KCNIP4: variants seen among roughly 807,000 people sequenced by gnomAD.
KCNIP4 encodes the protein potassium voltage-gated channel interacting protein 4.
A neutral mutation model predicts 34.0 loss-of-function variants in KCNIP4; 12 were observed. The ratio of observed to expected loss-of-function variants is 0.35; its 90% confidence interval spans 0.23 to 0.57. The LOEUF is 0.57. KCNIP4 is among the 20% of genes least tolerant of loss of function. The pLI is 0.83. For missense variants in KCNIP4, 238 were observed against 311.7 expected (o/e 0.76, Z 1.78); for synonymous variants, 124 against 102.2 (o/e 1.21, Z -1.29).
chr4:21,105,740 G>A (rs928080541), intron 1 of KCNIP4, among the ~76,000 whole-genome samples: 125 of 151,580 alleles, frequency 8.2e-4, no homozygotes, highest in Non-Finnish European at 1.7e-3. Flanking sequence ...GTTTGTCATA[G>A]ATAGCTCTTA....
intron 3 of KCNIP4, among the ~76,000 whole-genome samples, chr4:20,776,546 G>A (rs1248874689): frequency 6.6e-6 from 1 of 152,098 alleles, no homozygotes; most frequent in East Asian, 1.9e-4. Flanking sequence ...GAAAATAGAT[G>A]ATTTTCTGAA....
At chr4:21,370,883 G>GTT (rs1491517771) in intron 1 of KCNIP4, among the ~76,000 whole-genome samples, 1 of 13,130 alleles carries the variant, frequency 7.6e-5, no homozygotes, top group Non-Finnish European at 2.0e-4. Flanking sequence ...ACACACACAC[G>GTT]TGTGTGTGTG....
intron 1 of KCNIP4, among the ~76,000 whole-genome samples, chr4:21,273,823 A>G (rs966858217): frequency 3.3e-5 from 5 of 152,150 alleles, no homozygotes; most frequent in Non-Finnish European, 5.9e-5. Flanking sequence ...ATACACTTCT[A>G]TTATTGCACT....
At chr4:20,757,965 C>T (rs563694710) in intron 4 of KCNIP4, among the ~76,000 whole-genome samples, 51 of 152,270 alleles carry the variant, frequency 3.3e-4, no homozygotes, top group African/African-American at 1.2e-3. Flanking sequence ...TATTTTTTAA[C>T]TCCCATAATC....
chr4:21,153,636 A>T (rs1269992901), intron 1 of KCNIP4, among the ~76,000 whole-genome samples: 2 of 151,872 alleles, frequency 1.3e-5, no homozygotes, highest in Non-Finnish European at 2.9e-5. Context: ...GGACAACAAC[A>T]TGCAAATCAT....
At chr4:21,324,947 T>C (rs1190716504) in intron 1 of KCNIP4, among the ~76,000 whole-genome samples, 2 of 152,034 alleles carry the variant, frequency 1.3e-5, no homozygotes, top group African/African-American at 4.8e-5. Flanking sequence ...CAGTGTTTTA[T>C]GGTTTTCATT....
At chr4:20,976,834 C>A (rs542007714) in intron 1 of KCNIP4, among the ~76,000 whole-genome samples, 1 of 152,076 alleles carries the variant, frequency 6.6e-6, no homozygotes, top group Admixed American at 6.5e-5. Flanking sequence ...AAAAGATGAA[C>A]TTTTTCTCTT....
At chr4:21,531,359 C>CCCTT (rs1560492987) in intron 1 of KCNIP4, among the ~76,000 whole-genome samples, 1 of 125,732 alleles carries the variant, frequency 8.0e-6, no homozygotes, top group Non-Finnish European at 1.7e-5. Context: ...CTCCCTCCCT[C>CCCTT]CCTCCCTCCC....
intron 1 of KCNIP4, among the ~76,000 whole-genome samples, chr4:21,339,813 A>C (rs1345868891): frequency 6.6e-6 from 1 of 152,180 alleles, no homozygotes; most frequent in Admixed American, 6.5e-5. Flanking sequence ...TCCCAATAGA[A>C]TATCTCTGAG....
intron 1 of KCNIP4, among the ~76,000 whole-genome samples, chr4:21,123,538 A>G (rs1048916428): frequency 1.3e-5 from 2 of 152,230 alleles, no homozygotes; most frequent in Middle Eastern, 3.2e-3. Context: ...ATCTATCACT[A>G]TTTACTATAT....
intron 1 of KCNIP4, among the ~76,000 whole-genome samples, chr4:20,968,332 G>C (rs1273667952): frequency 6.6e-6 from 1 of 152,146 alleles, no homozygotes; most frequent in East Asian, 1.9e-4. Flanking sequence ...GTTGGTGGGA[G>C]TGTAAATTAG....
chr4:20,944,249 G>A (rs1056140878), intron 1 of KCNIP4, among the ~76,000 whole-genome samples: 1 of 152,190 alleles, frequency 6.6e-6, no homozygotes, highest in African/African-American at 2.4e-5. Flanking sequence ...GCCACCATGA[G>A]TGATCTGGAG....
At chr4:21,051,591 A>G (rs746345435) in intron 1 of KCNIP4, among the ~76,000 whole-genome samples, 10 of 152,110 alleles carry the variant, frequency 6.6e-5, no homozygotes, top group Non-Finnish European at 1.3e-4. Flanking sequence ...TATTTTACAC[A>G]TAATAGACAA....
At chr4:20,939,450 T>C (rs2149615618) in intron 1 of KCNIP4, among the ~76,000 whole-genome samples, 1 of 152,228 alleles carries the variant, frequency 6.6e-6, no homozygotes, top group South Asian at 2.1e-4. Flanking sequence ...CCCAGCTCAC[T>C]GCAACCTCTG....
intron 1 of KCNIP4, among the ~76,000 whole-genome samples, chr4:21,943,897 C>G (rs1730345921): frequency 6.7e-6 from 1 of 149,798 alleles, no homozygotes; most frequent in African/African-American, 2.5e-5. Flanking sequence ...CAGAAAGAAC[C>G]AACAAGTCTT....
At chr4:21,659,690 G>A (rs540222893) in intron 1 of KCNIP4, among the ~76,000 whole-genome samples, 1 of 152,036 alleles carries the variant, frequency 6.6e-6, no homozygotes, top group Non-Finnish European at 1.5e-5. Flanking sequence ...ATTATTGATT[G>A]TTATTATTAT....
At chr4:20,806,209 T>C (rs921371166) in intron 3 of KCNIP4, among the ~76,000 whole-genome samples, 15 of 152,106 alleles carry the variant, frequency 9.9e-5, no homozygotes, top group Non-Finnish European at 2.1e-4. Context: ...TGCACCTTGC[T>C]GTATTTTTCC....
At chr4:20,791,963 T>C (rs1277974572) in intron 3 of KCNIP4, among the ~76,000 whole-genome samples, 1 of 152,208 alleles carries the variant, frequency 6.6e-6, no homozygotes, top group Non-Finnish European at 1.5e-5. Context: ...CTGCCCATAT[T>C]GGACCTACTA....
chr4:21,554,986 T>C (rs1369260471), intron 1 of KCNIP4, among the ~76,000 whole-genome samples: 19 of 152,192 alleles, frequency 1.2e-4, no homozygotes, highest in Admixed American at 1.2e-3. Context: ...AAACATAGAC[T>C]TTTTTCTTCT....
Sources: allele counts gnomAD v4.1 joint callset (sites outside exome capture counted in the v4.1 genomes callset), GRCh38; gene constraint gnomAD v4.1.1; transcripts MANE v1.5; gene names NCBI Gene and HGNC (gene_info 2026-07-23, HGNC 2026-07-21).